STK31: variants seen among roughly 807,000 people sequenced by gnomAD.
The protein encoded by STK31 is serine/threonine-protein kinase 31.
Under a neutral mutation model 129.7 loss-of-function variants are expected in STK31, and 89 were observed. The ratio of observed to expected loss-of-function variants is 0.69; its 90% CI spans 0.58 to 0.82. STK31 has a LOEUF of 0.82. Ranked by LOEUF, STK31 falls within the 40% of genes least tolerant of loss-of-function variation. The pLI is 0.00. For missense variants in STK31, 1,187 were observed against 1,176.4 expected (o/e 1.01, Z -0.13); for synonymous variants, 448 against 395.3 (o/e 1.13, Z -1.58).
intron 6 of STK31, among the ~76,000 whole-genome samples, chr7:23,732,378 A>G (rs1033386485): frequency 6.6e-6 from 1 of 152,198 alleles, no homozygotes; most frequent in African/African-American, 2.4e-5. Context: ...ATTTCTTATG[A>G]TAAAAATTAA....
intron 3 of STK31, among the ~76,000 whole-genome samples, chr7:23,713,626 A>T (rs931073183): frequency 6.6e-6 from 1 of 151,424 alleles, no homozygotes; most frequent in Non-Finnish European, 1.5e-5. Context: ...TAAACTTTTA[A>T]TTTTTTTTTA....
chr7:23,830,121 A>G lies in STK31; in HGVS notation c.2830-2015A>G, dbSNP rs151336947. Among the ~76,000 whole-genome samples the G allele has an allele frequency of 3.7e-3, 558 of 151,642 alleles. 4 individuals carry two copies. Among genetic ancestry groups the G allele is most frequent in the African/African-American group, 0.013 (530 of 41,404 alleles). On this transcript the variant is annotated intron_variant, in intron 23 of 23. Transcript: ENST00000355870. Reference sequence around the variant, plus strand: ...CCCGCCACAACGCCTAGCTAATTTTATGTTTTGTATTTTTGTGATATCAGG... The same window carrying G: ...CCCGCCACAACGCCTAGCTAATTTTGTGTTTTGTATTTTTGTGATATCAGG...
At chr7:23,757,169 T>A (rs1394329470) in intron 10 of STK31, among the ~76,000 whole-genome samples, 1 of 151,944 alleles carries the variant, frequency 6.6e-6, no homozygotes. Flanking sequence ...AATTTCAGAG[T>A]TTTTGTTATT....
intron 6 of STK31, among the ~76,000 whole-genome samples, chr7:23,732,067 C>T (rs913041866): frequency 7.2e-5 from 11 of 152,030 alleles, no homozygotes; most frequent in African/African-American, 1.2e-4. Flanking sequence ...CCAGCACTTT[C>T]GGAGGCTGAA....
chr7:23,741,518 A>G lies in STK31; in HGVS notation c.1017+4440A>G, dbSNP rs140445854. Reference sequence around the variant, plus strand: ...CTCATCAAGATTGGCTGATGAAACTATCATTAATCAGATATTTCACCTAGT... The same window carrying G: ...CTCATCAAGATTGGCTGATGAAACTGTCATTAATCAGATATTTCACCTAGT... On this transcript the variant is annotated intron_variant, in intron 8 of 23. Coordinates refer to ENST00000355870, the MANE Select transcript of STK31 (RefSeq NM_031414.5). 3.0e-4 allele frequency among the ~76,000 whole-genome samples: 45 copies of G among 152,302 alleles called. No individual in the cohort carries two copies. In the East Asian group the frequency reaches 7.3e-3, roughly 25 times the overall value.
intron 15 of STK31, among the ~76,000 whole-genome samples, chr7:23,775,994 A>T (rs911692390): frequency 1.3e-5 from 2 of 152,124 alleles, no homozygotes; most frequent in Non-Finnish European, 2.9e-5. Context: ...ATATTTTGAG[A>T]TGCATTCCAT....
At chr7:23,799,844 C>T (rs1792250658) in intron 22 of STK31, among the ~76,000 whole-genome samples, 1 of 152,062 alleles carries the variant, frequency 6.6e-6, no homozygotes, top group African/African-American at 2.4e-5. Flanking sequence ...ACCCATCTGA[C>T]AAAGGTCTAG....
Position 23,762,907 on chromosome 7 carries a change from G to A in STK31, c.1400G>A (p.Arg467His), listed in dbSNP as rs780557315. The A allele has an allele frequency of 3.8e-6, 6 of 1,578,540 alleles. No homozygotes were observed. Among genetic ancestry groups the A allele is most frequent in the East Asian group, 2.3e-5 (1 of 43,506 alleles). ...GTTGATGAGTCATCTCTTAATAAAC[G>A]CTTAAAAACATTGCAGGTTGGAATT... The part of the protein sequence containing the change: ...LEVDESSLNK[R>H]LKTLQDLSVS... Residue 467 changes from arginine to histidine, a missense_variant, in exon 11 of 24, where the codon CGC becomes CAC. Arg to His is a conservative substitution (Grantham distance 29). Coordinates refer to ENST00000355870, the MANE Select transcript of STK31 (RefSeq NM_031414.5).
chr7:23,780,561 A>G (rs1562596126), intron 15 of STK31, among the ~76,000 whole-genome samples: 1 of 152,200 alleles, frequency 6.6e-6, no homozygotes, highest in Non-Finnish European at 1.5e-5. Flanking sequence ...TTCAGCAAAT[A>G]CACTATTTAC....
intron 21 of STK31, among the ~76,000 whole-genome samples, chr7:23,789,373 A>G (rs1017900634): frequency 6.6e-6 from 1 of 152,138 alleles, no homozygotes; most frequent in African/African-American, 2.4e-5. Context: ...AAGTGGCTAC[A>G]TCATTTTATA....
chr7:23,727,349 T>A (rs1787147071), intron 5 of STK31, 34 bp downstream of exon 5: 1 of 1,595,350 alleles, frequency 6.3e-7, no homozygotes, highest in East Asian at 2.2e-5. Flanking sequence ...TTTTTTGCTT[T>A]AAGAAATATT....
intron 12 of STK31, among the ~76,000 whole-genome samples, 183 bp downstream of exon 12, chr7:23,769,357 A>G (rs1790036669): frequency 6.6e-6 from 1 of 151,774 alleles, no homozygotes. Context: ...TATTAGTCTC[A>G]AAAAAATCAT....
chr7:23,831,274 T>G (rs1431402380), intron 23 of STK31, among the ~76,000 whole-genome samples: 1 of 152,226 alleles, frequency 6.6e-6, no homozygotes. Flanking sequence ...GATTTATATA[T>G]CTGGGTGCTC....
intron 5 of STK31, 52 bp downstream of exon 5, chr7:23,727,367 G>A (rs1787148351): frequency 6.4e-7 from 1 of 1,552,204 alleles, no homozygotes; most frequent in African/African-American, 1.4e-5. Context: ...ATTTATTGTG[G>A]TTCAAAAATT....
chr7:23,762,861 G>C lies in STK31; in HGVS notation c.1354G>C (p.Val452Leu). 2 of 1,608,702 alleles carry C rather than the reference G, an allele frequency of 1.2e-6. No individual in the cohort carries two copies. The highest frequency in any genetic ancestry group is 1.7e-6 in the Non-Finnish European group (2 of 1,178,104). Residue 452 changes from valine to leucine, a missense_variant, in exon 11 of 24, where the codon GTA becomes CTA. Physicochemically the swap from Val to Leu is conservative, Grantham distance 32. Around this residue, in one of 5 missense-constraint regions of STK31, gnomAD observed 975 missense variants for 934.9 expected, o/e 1.04. Coordinates refer to ENST00000355870, the MANE Select transcript of STK31 (RefSeq NM_031414.5). ...NEMQQKLYMS[V>L]EDFILEVDES... Reference sequence around the variant, plus strand: ...AATGCAGCAGAAGCTGTACATGTCAGTAGAAGATTTTATTCTGGAAGTTGA... The same window carrying C: ...AATGCAGCAGAAGCTGTACATGTCACTAGAAGATTTTATTCTGGAAGTTGA...
At chr7:23,767,722 G>GT (rs1212877937) in intron 11 of STK31, among the ~76,000 whole-genome samples, 3 of 152,104 alleles carry the variant, frequency 2.0e-5, no homozygotes, top group African/African-American at 7.2e-5. Context: ...TGGTGCTGCT[G>GT]TTTTTCTTTC....
chr7:23,805,243 T>G (rs944961866), intron 22 of STK31, among the ~76,000 whole-genome samples: 12 of 152,062 alleles, frequency 7.9e-5, no homozygotes, highest in Non-Finnish European at 1.5e-4. Context: ...GCCTGGCTAA[T>G]TTTTTGTGTT....
intron 1 of STK31, 197 bp downstream of exon 1, chr7:23,710,532 A>G: frequency 6.9e-7 from 1 of 1,440,248 alleles, no homozygotes. Flanking sequence ...AAGTGGCTCG[A>G]AAAGACCTCC....
intron 23 of STK31, among the ~76,000 whole-genome samples, chr7:23,817,342 A>G (rs1793534785): frequency 6.6e-6 from 1 of 152,244 alleles, no homozygotes; most frequent in South Asian, 2.1e-4. Flanking sequence ...GGATTGTGGC[A>G]TTGAAAATGA....
Sources: gnomAD v4.1 joint callset for allele counts (sites outside exome capture counted in the v4.1 genomes callset) on GRCh38, gnomAD v4.1.1 for gene constraint, gnomAD v4.1.1 regional missense constraint, MANE v1.5 for transcripts, NCBI Gene and HGNC (gene_info 2026-07-23, HGNC 2026-07-21) for gene names.